Variants in CHEK1 observed in about 807,000 individuals in gnomAD.
The protein encoded by CHEK1 is checkpoint kinase 1.
In CHEK1, 32 loss-of-function variants were observed where a neutral mutation model predicts 60.2. That is an observed-to-expected ratio of 0.53 (90% CI 0.40 to 0.71). The LOEUF (loss-of-function observed/expected upper bound fraction) is 0.71. Among genes scored for constraint, CHEK1 ranks in the 30% least tolerant of loss-of-function variants. CHEK1 has a pLI of 0.00. For synonymous variants in CHEK1, 179 were observed against 187.2 expected (o/e 0.96, Z 0.36); for missense variants, 399 against 564.6 (o/e 0.71, Z 2.97).
At position 125,625,443 on chromosome 11, in the gene CHEK1, C is replaced by G. The variant is rs1001224884; in HGVS notation, c.-590C>G. 9.4e-6 allele frequency: 3 copies of G among 318,148 alleles called. No homozygotes were observed. Among genetic ancestry groups the G allele is most frequent in the Non-Finnish European group, 1.7e-5 (3 of 171,794 alleles). 19.7% of individuals were successfully genotyped at this position (318,148 alleles called of 1,614,324 possible). The stretch of plus-strand genomic sequence containing the variant: ...GGAGTTCCTCCCATTTCTTCACAGT[C>G]GGCTCTCAGCAGCTGCTGCTGGTTT... On this transcript the variant is annotated 5_prime_UTR_variant, in exon 1 of 13. Coordinates refer to ENST00000438015, the MANE Select transcript of CHEK1 (RefSeq NM_001114122.3).
intron 7 of CHEK1, among the ~76,000 whole-genome samples, chr11:125,636,770 T>C (rs1308449111): frequency 6.6e-6 from 1 of 152,084 alleles, no homozygotes; most frequent in Non-Finnish European, 1.5e-5. Context: ...TTACAAATAC[T>C]TTTCACAATT....
chr11:125,670,546 A>G (rs997418913), intron 13 of CHEK1, among the ~76,000 whole-genome samples: 5 of 152,048 alleles, frequency 3.3e-5, no homozygotes, highest in African/African-American at 1.2e-4. Context: ...CTATTTTTTC[A>G]GCTTTCAGAT....
chr11:125,631,273 T>C (rs2135983802), intron 5 of CHEK1, among the ~76,000 whole-genome samples: 1 of 152,268 alleles, frequency 6.6e-6, no homozygotes, highest in East Asian at 1.9e-4. Context: ...TAATTCTTTG[T>C]TTCTATTTAA....
At chr11:125,661,956 C>T (rs1011308758), downstream of CHEK1, among the ~76,000 whole-genome samples, 2 of 152,110 alleles carry the variant, frequency 1.3e-5, no homozygotes, top group African/African-American at 2.4e-5. Flanking sequence ...AATAATATAA[C>T]GAGGATATTG....
chr11:125,660,816 C>T (rs1227462897), downstream of CHEK1, among the ~76,000 whole-genome samples: 1 of 151,900 alleles, frequency 6.6e-6, no homozygotes, highest in Non-Finnish European at 1.5e-5. Flanking sequence ...ACTCTTGTTG[C>T]CCAGGCTGGA....
At chr11:125,645,995 T>TA (rs1028665104) in intron 11 of CHEK1, among the ~76,000 whole-genome samples, 2 of 152,150 alleles carry the variant, frequency 1.3e-5, no homozygotes, top group Admixed American at 1.3e-4. Context: ...ATAAGAATCA[T>TA]CACTTTAACC....
downstream of CHEK1, among the ~76,000 whole-genome samples, chr11:125,680,426 T>C (rs1406918622): frequency 6.6e-5 from 10 of 152,222 alleles, no homozygotes; most frequent in Admixed American, 4.6e-4. Context: ...CAAACCTTCA[T>C]TGGGCTTCTA....
chr11:125,645,832 CTT>C (rs1467537650), intron 11 of CHEK1, among the ~76,000 whole-genome samples: 4 of 152,098 alleles, frequency 2.6e-5, no homozygotes, highest in Non-Finnish European at 5.9e-5. Flanking sequence ...TTATTATACT[CTT>C]TTTTCAGTTT....
chr11:125,648,208 T>G (rs770248816), intron 11 of CHEK1, among the ~76,000 whole-genome samples: 1 of 152,156 alleles, frequency 6.6e-6, no homozygotes, highest in Non-Finnish European at 1.5e-5. Context: ...TGTATATTGA[T>G]CTTGTATCCT....
rs755282936 is a variant in CHEK1, at chr11:125,627,624, A to G, written c.83A>G (p.Asn28Ser). The G allele has an allele frequency of 5.6e-6, 9 of 1,613,246 alleles. No individual in the cohort carries two copies. In the South Asian group the frequency reaches 9.9e-5, roughly 18 times the overall value. Reference protein sequence around the residue: ...GAYGEVQLAVNRVTEEAVAVK... With the variant: ...GAYGEVQLAVSRVTEEAVAVK... ...CTTTTTAGAGTTCAACTTGCTGTGA[A>G]TAGAGTAACTGAAGAAGCAGTCGCA... Residue 28 changes from asparagine to serine, a missense_variant, in exon 3 of 13, where the codon AAT becomes AGT. Asn to Ser is a conservative substitution (Grantham distance 46). Around this residue, in one of 2 missense-constraint regions of CHEK1, gnomAD observed 370 missense variants for 494.8 expected, o/e 0.75. Transcript: ENST00000438015.
downstream of CHEK1, chr11:125,680,610 C>T (rs1380205464): frequency 1.1e-6 from 1 of 904,978 alleles, no homozygotes; most frequent in Non-Finnish European, 1.7e-6. Context: ...TTTAGCTGCT[C>T]TTGATTCTGA....
chr11:125,678,168 C>G, downstream of CHEK1: 1 of 1,614,114 alleles, frequency 6.2e-7, no homozygotes, highest in Non-Finnish European at 8.5e-7. Flanking sequence ...AGTGTTCAGG[C>G]CTGAAGAAGT....
chr11:125,644,331 T>G, intron 10 of CHEK1, 63 bp downstream of exon 10: 2 of 1,503,054 alleles, frequency 1.3e-6, no homozygotes, highest in Admixed American at 2.2e-5. Flanking sequence ...CTTAAAGTCC[T>G]TTTTTAATGT....
At chr11:125,632,805 C>A (rs370804090) in intron 5 of CHEK1, among the ~76,000 whole-genome samples, 4 of 152,160 alleles carry the variant, frequency 2.6e-5, no homozygotes, top group South Asian at 4.1e-4. Flanking sequence ...TCCTGCCCTC[C>A]ACCCTACCTG....
intron 13 of CHEK1, among the ~76,000 whole-genome samples, chr11:125,665,719 A>G (rs1457489110): frequency 1.3e-5 from 2 of 151,894 alleles, no homozygotes; most frequent in Admixed American, 6.6e-5. Flanking sequence ...GGTTGTTTGT[A>G]TCCAGGAATT....
intron 11 of CHEK1, among the ~76,000 whole-genome samples, chr11:125,652,770 C>G (rs1294365350): frequency 6.6e-6 from 1 of 152,054 alleles, no homozygotes; most frequent in Non-Finnish European, 1.5e-5. Context: ...GTATAATGAT[C>G]AGATCAGGAT....
At position 125,644,545 on chromosome 11, in the gene CHEK1, C is replaced by G; in HGVS notation, c.1135C>G (p.Arg379Gly). The change falls in exon 11 of 13, where the codon CGA becomes GGA. Residue 379 changes from arginine (R) to glycine (G), a missense_variant. Arg to Gly is a moderately radical substitution (Grantham distance 125, BLOSUM62 -2). Around this residue, in one of 2 missense-constraint regions of CHEK1, gnomAD observed 370 missense variants for 494.8 expected, o/e 0.75. Coordinates refer to ENST00000438015, the MANE Select transcript of CHEK1 (RefSeq NM_001114122.3). ...GCAGCGGTTGGTCAAAAGAATGACA[C>G]GATTCTTTACCAAATTGGATGCAGA... Reference protein sequence around the residue: ...PWQRLVKRMTRFFTKLDADKS... With the variant: ...PWQRLVKRMTGFFTKLDADKS... 1 of 1,613,958 alleles carries G rather than the reference C, an allele frequency of 6.2e-7. No homozygotes were observed.
intron 8 of CHEK1, among the ~76,000 whole-genome samples, chr11:125,639,425 G>GCAGT (rs895437055): frequency 7.3e-6 from 1 of 137,024 alleles, no homozygotes; most frequent in Non-Finnish European, 1.5e-5. Flanking sequence ...AGGCTGGAGT[G>GCAGT]CAGTGGCGCC....
Position 125,644,629 on chromosome 11 carries a change from AGTT to A in CHEK1, c.1222_1224del (p.Cys408del), listed in dbSNP as rs1321932801. 1 of 1,613,896 alleles carries A rather than the reference AGTT, an allele frequency of 6.2e-7. No homozygotes were observed. The highest frequency in any genetic ancestry group is 8.5e-7 in the Non-Finnish European group (1 of 1,179,976). On this transcript the variant is annotated inframe_deletion, in exon 11 of 13. Coordinates refer to ENST00000438015, the MANE Select transcript of CHEK1 (RefSeq NM_001114122.3). ...GAAGTTGGGCTATCAATGGAAGAAA[AGTT>A]GTATGAATCAGGTGTGTTTCATTGA...
Sources: gnomAD v4.1 joint callset for allele counts (sites outside exome capture counted in the v4.1 genomes callset) on GRCh38, gnomAD v4.1.1 for gene constraint, gnomAD v4.1.1 regional missense constraint, MANE v1.5 for transcripts, NCBI Gene and HGNC (gene_info 2026-07-23, HGNC 2026-07-21) for gene names.